Variants in ARHGAP39 observed in about 807,000 individuals in gnomAD.
ARHGAP39 encodes the protein Rho GTPase activating protein 39, also known as rho GTPase-activating protein 39.
In ARHGAP39, 44 loss-of-function variants were observed where a neutral mutation model predicts 106.9. The observed-to-expected ratio is 0.41, with a 90% CI of 0.32 to 0.53. The LOEUF is 0.53. ARHGAP39 is among the 20% of genes least tolerant of loss of function. The pLI, the probability that ARHGAP39 is intolerant of heterozygous loss-of-function variation, is 0.21. For missense variants in ARHGAP39, 1,496 were observed against 1,577.3 expected (o/e 0.95, Z 0.87); for synonymous variants, 768 against 693.2 (o/e 1.11, Z -1.69).
Position 144,545,743 on chromosome 8 carries a change from G to A in ARHGAP39, c.2027C>T (p.Ser676Phe). 1.2e-6 allele frequency: 2 copies of A among 1,611,034 alleles called. No individual in the cohort carries two copies. The highest frequency in any genetic ancestry group is 1.7e-6 in the Non-Finnish European group (2 of 1,179,248). ...CGTGAAAGTGGGGAAGACGCAGCTG[G>A]AGCTGGGAACGCCGCTGCGGCTCTG... ...SRQSRSGVPS[S>F]SCVFPTFTLR... The change falls in exon 6 of 12, where the codon TCC becomes TTC. Residue 676 changes from serine to phenylalanine, a missense_variant. Coordinates refer to ENST00000377307, the MANE Select transcript of ARHGAP39 (RefSeq NM_025251.3).
At chr8:144,602,482 G>T (rs1419608914) in intron 2 of ARHGAP39, among the ~76,000 whole-genome samples, 1 of 143,294 alleles carries the variant, frequency 7.0e-6, no homozygotes, top group Non-Finnish European at 1.5e-5. Context: ...TGCGTGGTGT[G>T]TGCGCGAGCT....
At chr8:144,606,710 C>T (rs1164848407) in intron 1 of ARHGAP39, among the ~76,000 whole-genome samples, 1 of 151,976 alleles carries the variant, frequency 6.6e-6, no homozygotes, top group Non-Finnish European at 1.5e-5. Flanking sequence ...GGGGTCAGTG[C>T]CCCTAAACCC....
intron 2 of ARHGAP39, among the ~76,000 whole-genome samples, chr8:144,603,855 A>G (rs1820177272): frequency 6.6e-6 from 1 of 152,194 alleles, no homozygotes. Context: ...CAGCTGTGCC[A>G]GGAGGAAGCT....
At chr8:144,593,236 T>G (rs1036327531) in intron 2 of ARHGAP39, among the ~76,000 whole-genome samples, 5 of 152,138 alleles carry the variant, frequency 3.3e-5, no homozygotes, top group African/African-American at 1.2e-4. Context: ...GAGTGCCACG[T>G]GCATGCCAGA....
At chr8:144,657,044 C>T (rs1385360514) in intron 1 of ARHGAP39, among the ~76,000 whole-genome samples, 3 of 151,784 alleles carry the variant, frequency 2.0e-5, no homozygotes, top group African/African-American at 7.3e-5. Flanking sequence ...AACCCCAGGC[C>T]AAGGTGACTG....
At chr8:144,551,455 G>A (rs1258882861) in intron 4 of ARHGAP39, among the ~76,000 whole-genome samples, 3 of 152,188 alleles carry the variant, frequency 2.0e-5, no homozygotes, top group African/African-American at 7.2e-5. Flanking sequence ...CCTCAATGCA[G>A]GCCGAGGCCT....
chr8:144,646,164 G>C lies in ARHGAP39; in HGVS notation c.-82+39522C>G, dbSNP rs1397590408. 6.6e-6 allele frequency among the ~76,000 whole-genome samples: 1 copy of C among 152,212 alleles called. No individual in the cohort carries two copies. The highest frequency in any genetic ancestry group is 6.5e-5 in the Admixed American group (1 of 15,280). The stretch of plus-strand genomic sequence containing the variant: ...GCAAGCTTGGAGCCTGCTGGAGGAA[G>C]GGCACAGGCCACCGGAGGGGATGTG... On this transcript the variant is annotated intron_variant, in intron 1 of 11. Coordinates refer to ENST00000377307, the MANE Select transcript of ARHGAP39 (RefSeq NM_025251.3). The surrounding 1 kb of genome is among the most constrained non-coding windows in gnomAD (Gnocchi z 5.7).
At chr8:144,675,963 C>T (rs906716727) in intron 1 of ARHGAP39, among the ~76,000 whole-genome samples, 20 of 152,206 alleles carry the variant, frequency 1.3e-4, no homozygotes, top group East Asian at 3.9e-4. Context: ...TCCTTCCTCC[C>T]GTCAGGAGTT....
rs184629409 is a variant in ARHGAP39, at chr8:144,571,069, A to G, written c.512+9777T>C. On this transcript the variant is annotated intron_variant, in intron 3 of 11. Coordinates refer to ENST00000377307, the MANE Select transcript of ARHGAP39 (RefSeq NM_025251.3). ...ACCAGAGGTACAGAGAGGAGCTGGT[A>G]CCAGTCCTTCTGAAACTATTCCAAT... is the stretch of plus-strand genomic sequence containing the variant. 1.1e-4 allele frequency among the ~76,000 whole-genome samples: 17 copies of G among 152,356 alleles called. No individual in the cohort carries two copies. In the East Asian group the frequency reaches 2.7e-3, roughly 24 times the overall value.
At chr8:144,595,430 G>T (rs1179429031) in intron 2 of ARHGAP39, among the ~76,000 whole-genome samples, 3 of 152,220 alleles carry the variant, frequency 2.0e-5, no homozygotes, top group Admixed American at 1.3e-4. Context: ...AGAGGCTGCT[G>T]CTGGGAGTGG....
intron 1 of ARHGAP39, among the ~76,000 whole-genome samples, chr8:144,630,339 A>C (rs1360500337): frequency 6.6e-6 from 1 of 152,240 alleles, no homozygotes; most frequent in East Asian, 1.9e-4. Context: ...CCTTGACAAC[A>C]GATGAACTAT....
rs114546056 is a variant in ARHGAP39 at position 144,666,086 on chromosome 8, G to A, written c.-82+19600C>T. Among the ~76,000 whole-genome samples the A allele has an allele frequency of 6.5e-3, 985 of 152,248 alleles. 12 individuals are homozygous for A. The highest frequency in any genetic ancestry group is 0.022 in the African/African-American group (917 of 41,534). On this transcript the variant is annotated intron_variant, in intron 1 of 11. Transcript: ENST00000377307. Reference sequence around the variant, plus strand: ...AGCATGACCTGGATGTGAAACCTGGGGTCAAAGGAGATCACTTTGAGCTTT... The same window carrying A: ...AGCATGACCTGGATGTGAAACCTGGAGTCAAAGGAGATCACTTTGAGCTTT...
intron 8 of ARHGAP39, among the ~76,000 whole-genome samples, chr8:144,533,823 G>A (rs1192402411): frequency 6.6e-6 from 1 of 152,212 alleles, no homozygotes; most frequent in Admixed American, 6.5e-5. Context: ...ATGTGGGGAA[G>A]GGGCCAGGCT....
intron 6 of ARHGAP39, among the ~76,000 whole-genome samples, chr8:144,539,568 T>A (rs1262839056): frequency 6.6e-6 from 1 of 152,292 alleles, no homozygotes; most frequent in Non-Finnish European, 1.5e-5. Flanking sequence ...GTGATCCATT[T>A]GCAGTTATTT....
At chr8:144,610,519 G>A (rs1820452669) in intron 1 of ARHGAP39, among the ~76,000 whole-genome samples, 1 of 151,912 alleles carries the variant, frequency 6.6e-6, no homozygotes, top group South Asian at 2.1e-4. Flanking sequence ...AGACCATCCT[G>A]GCCAATACTG....
rs1159676416 is a variant in ARHGAP39 at position 144,530,818 on chromosome 8, C to T, written c.3034G>A (p.Glu1012Lys). 6 of 1,611,812 alleles carry T rather than the reference C, an allele frequency of 3.7e-6. No homozygotes were observed. Among genetic ancestry groups the T allele is most frequent in the South Asian group, 1.1e-5 (1 of 91,046 alleles). The change falls in exon 11 of 12, where the codon GAG becomes AAG. Residue 1012 changes from glutamate (E) to lysine (K), a missense_variant. This residue lies in a region of ARHGAP39 where 470 missense variants were observed against 605.1 expected (regional missense o/e 0.78). Coordinates refer to ENST00000377307, the MANE Select transcript of ARHGAP39 (RefSeq NM_025251.3). ...TGCGCGATGCACTGCTCGTAGAACTCGTGCGGGATCAGGGGCTCCTCCAGC... is the reference window on the plus strand; with the variant it reads ...TGCGCGATGCACTGCTCGTAGAACTTGTGCGGGATCAGGGGCTCCTCCAGC... ...RELEEPLIPH[E>K]FYEQCIAHYD...
At chr8:144,600,545 C>T (rs576696425) in intron 2 of ARHGAP39, among the ~76,000 whole-genome samples, 1 of 139,598 alleles carries the variant, frequency 7.2e-6, no homozygotes. Context: ...CACTTGTGTA[C>T]CTGAGTGTGC....
rs1235867663 is a variant in ARHGAP39 at position 144,585,263 on chromosome 8, C to T, written c.81-3986G>A. On this transcript the variant is annotated intron_variant, in intron 2 of 11. Coordinates refer to ENST00000377307, the MANE Select transcript of ARHGAP39 (RefSeq NM_025251.3). This position sits in a 1 kb window ranked among gnomAD's most constrained non-coding sequence, Gnocchi z 4.6. The stretch of plus-strand genomic sequence containing the variant: ...GACTCACTCTTCTTCCCAAGGGCCT[C>T]ACCTGTCTCCCTTCCTTCTCTCCAT... Among the ~76,000 whole-genome samples, 4 of 152,176 alleles carry T rather than the reference C, an allele frequency of 2.6e-5. No homozygotes were observed. Among genetic ancestry groups the T allele is most frequent in the Non-Finnish European group, 5.9e-5 (4 of 68,012 alleles).
At chr8:144,584,413 A>T (rs556547666) in intron 2 of ARHGAP39, among the ~76,000 whole-genome samples, 17 of 152,120 alleles carry the variant, frequency 1.1e-4, no homozygotes, top group Admixed American at 6.5e-4. Context: ...GGATCTTAGG[A>T]TAGCTTGTTA....
Sources: gnomAD v4.1 joint callset for allele counts (sites outside exome capture counted in the v4.1 genomes callset) on GRCh38, gnomAD v4.1.1 for gene constraint, gnomAD v4.1.1 regional missense constraint, Gnocchi (gnomAD v3.1) non-coding constraint, MANE v1.5 for transcripts, NCBI Gene and HGNC (gene_info 2026-07-23, HGNC 2026-07-21) for gene names.